TENM2: variants seen among roughly 807,000 people sequenced by gnomAD.
TENM2 encodes the protein teneurin-2.
TENM2 carries 52 observed loss-of-function variants against 245.2 expected under a neutral mutation model. That is an observed-to-expected ratio of 0.21 (90% CI 0.17 to 0.27). TENM2 has a LOEUF of 0.27. Ranked by LOEUF, TENM2 falls within the 10% of genes least tolerant of loss-of-function variation. The pLI is 1.00. For synonymous variants in TENM2, 1,363 were observed against 1,438.9 expected (o/e 0.95, Z 1.19); for missense variants, 3,046 against 3,666.8 (o/e 0.83, Z 4.37).
Position 168,002,770 on chromosome 5 carries a change from T to C in TENM2, c.1186+9588T>C, listed in dbSNP as rs73801485. Reference sequence around the variant, plus strand: ...TTTATGTTAATTAATTTACAGTTTATTAAATGTACTTGAATAGGTTCATGT... The same window carrying C: ...TTTATGTTAATTAATTTACAGTTTACTAAATGTACTTGAATAGGTTCATGT... On this transcript the variant is annotated intron_variant, in intron 5 of 28. Coordinates refer to ENST00000518659, the Ensembl canonical transcript of TENM2. 1.6e-3 allele frequency among the ~76,000 whole-genome samples: 247 copies of C among 152,380 alleles called. 1 individual carries two copies. The highest frequency in any genetic ancestry group is 5.6e-3 in the African/African-American group (232 of 41,590).
At chr5:167,797,549 G>A (rs1415887022) in intron 2 of TENM2, among the ~76,000 whole-genome samples, 1 of 152,176 alleles carries the variant, frequency 6.6e-6, no homozygotes, top group East Asian at 1.9e-4. Context: ...GCTAATAGCA[G>A]CACTATTGTA....
At chr5:167,005,942 G>A in the TENM2 span, among the ~76,000 whole-genome samples, 1 of 152,090 alleles carries the variant, frequency 6.6e-6, no homozygotes, top group Admixed American at 6.6e-5. Context: ...TTACAGGTGT[G>A]AGCCACCGTG....
intron 5 of TENM2, among the ~76,000 whole-genome samples, chr5:168,017,653 C>T (rs2152094076): frequency 6.6e-6 from 1 of 152,318 alleles, no homozygotes; most frequent in East Asian, 1.9e-4. Context: ...CGTTGGGATG[C>T]TCAAGGCCCA....
At chr5:167,175,475 C>T in the TENM2 span, among the ~76,000 whole-genome samples, 2 of 152,342 alleles carry the variant, frequency 1.3e-5, no homozygotes, top group Admixed American at 1.3e-4. Flanking sequence ...AACATTTTGT[C>T]ACATTCTTTG....
At chr5:168,177,716 A>G (rs986272468) in intron 13 of TENM2, among the ~76,000 whole-genome samples, 1 of 152,242 alleles carries the variant, frequency 6.6e-6, no homozygotes, top group African/African-American at 2.4e-5. Flanking sequence ...GGGTGCCTAT[A>G]GTCCCAGCTA....
intron 8 of TENM2, among the ~76,000 whole-genome samples, chr5:168,092,876 T>C (rs969260335): frequency 1.3e-5 from 2 of 152,238 alleles, no homozygotes; most frequent in African/African-American, 4.8e-5. Flanking sequence ...AGAACAGCTA[T>C]GCATTTATAG....
At chr5:167,075,036 G>C in the TENM2 span, among the ~76,000 whole-genome samples, 2 of 152,084 alleles carry the variant, frequency 1.3e-5, no homozygotes, top group South Asian at 4.1e-4. Context: ...TTGTTCTTAA[G>C]GAACTCTAAC....
intron 7 of TENM2, among the ~76,000 whole-genome samples, chr5:168,082,446 G>A (rs961049448): frequency 2.6e-5 from 4 of 152,152 alleles, no homozygotes; most frequent in African/African-American, 9.7e-5. Context: ...ACCCGTCAAA[G>A]CCATTCTCCG....
At chr5:167,133,220 G>A in the TENM2 span, among the ~76,000 whole-genome samples, 1 of 152,028 alleles carries the variant, frequency 6.6e-6, no homozygotes, top group Non-Finnish European at 1.5e-5. Flanking sequence ...AGGATGGGAG[G>A]TTAGTATTGA....
intron 2 of TENM2, among the ~76,000 whole-genome samples, chr5:167,631,809 G>A (rs563519102): frequency 2.2e-4 from 33 of 152,144 alleles, no homozygotes; most frequent in African/African-American, 8.0e-4. Context: ...GGCAAGGCTA[G>A]GACACCTGCC....
At position 167,294,035 on chromosome 5, in the gene TENM2, A is replaced by G. The variant is rs1190514320; in HGVS notation, c.226+8972A>G. Among the ~76,000 whole-genome samples, 4 of 151,558 alleles carry G rather than the reference A, an allele frequency of 2.6e-5. No individual in the cohort carries two copies. The East Asian group carries it at 5.8e-4, about 22-fold the overall frequency. The stretch of plus-strand genomic sequence containing the variant: ...CTGAGTGTGTGTTTTATCCCTGCCA[A>G]TGGTAACTTTATTTGCAAAGCTGAG... On this transcript the variant is annotated intron_variant, in intron 1 of 28. Transcript: ENST00000518659.
chr5:167,300,617 C>T lies in TENM2; in HGVS notation c.226+15554C>T, dbSNP rs562742083. Among the ~76,000 whole-genome samples the T allele has an allele frequency of 1.1e-4, 16 of 151,952 alleles. No individual in the cohort carries two copies. In the East Asian group the frequency reaches 1.6e-3, roughly 15 times the overall value. On this transcript the variant is annotated intron_variant, in intron 1 of 28. Coordinates refer to ENST00000518659, the Ensembl canonical transcript of TENM2. ...ATAACAGGCTCTAATCCTTTTAAAG[C>T]GTGCTGTGGGATGGGATATTGGCAT...
At chr5:167,878,793 G>A (rs533738103) in intron 3 of TENM2, among the ~76,000 whole-genome samples, 2 of 152,270 alleles carry the variant, frequency 1.3e-5, no homozygotes, top group South Asian at 4.1e-4. Flanking sequence ...TTTTTCAGGA[G>A]GTGTCACAGC....
In TENM2 at chr5:168,036,677, G is replaced by GTATATATATATATA. The variant is rs60784450; in HGVS notation, c.1187-10740_1187-10727dup. 1.6e-3 allele frequency among the ~76,000 whole-genome samples: 185 copies of GTATATATATATATA among 117,766 alleles called. 2 individuals carry two copies. The highest frequency in any genetic ancestry group is 5.6e-3 in the African/African-American group (165 of 29,502). The allele number at this position is 117,766 out of a possible 152,430, so 77.3% of individuals were successfully genotyped here. A position where few individuals can be genotyped will look rare whatever the true frequency, so the allele number is the denominator to read the frequency against. On this transcript the variant is annotated intron_variant, in intron 5 of 28. Transcript: ENST00000518659. ...ATATATATATATAATATATGTATGT[G>GTATATATATATATA]TATATATATATATATATATATATGT...
the TENM2 span, among the ~76,000 whole-genome samples, chr5:167,080,827 G>A: frequency 7.9e-5 from 12 of 151,938 alleles, no homozygotes; most frequent in East Asian, 1.6e-3. Context: ...AAAAGAATGC[G>A]TAGCCTGATG....
At chr5:167,428,195 A>G (rs968198491) in intron 2 of TENM2, among the ~76,000 whole-genome samples, 29 of 152,222 alleles carry the variant, frequency 1.9e-4, no homozygotes, top group Admixed American at 3.9e-4. Flanking sequence ...CTCAATAGAT[A>G]TATGAGTTTT....
intron 2 of TENM2, among the ~76,000 whole-genome samples, chr5:167,595,481 A>G (rs1285023689): frequency 1.3e-5 from 2 of 152,224 alleles, no homozygotes; most frequent in Non-Finnish European, 2.9e-5. Context: ...CCTCAGCAAG[A>G]TTCACAGCAA....
intron 2 of TENM2, among the ~76,000 whole-genome samples, chr5:167,454,294 A>G (rs2127480620): frequency 6.6e-6 from 1 of 152,278 alleles, no homozygotes; most frequent in East Asian, 1.9e-4. Context: ...ACTAGTCAGG[A>G]TGTTTACTGT....
intron 2 of TENM2, among the ~76,000 whole-genome samples, chr5:167,376,499 G>A (rs1464442152): frequency 1.3e-5 from 2 of 152,172 alleles, no homozygotes; most frequent in Non-Finnish European, 2.9e-5. Context: ...TGTTGTGAAT[G>A]CAAAAGCATA....
Sources: gnomAD v4.1 joint callset for allele counts (sites outside exome capture counted in the v4.1 genomes callset) on GRCh38, gnomAD v4.1.1 for gene constraint, MANE v1.5 for transcripts, NCBI Gene and HGNC (gene_info 2026-07-23, HGNC 2026-07-21) for gene names.